The following RPTOR variants were observed in gnomAD, a reference collection of about 807,000 sequenced individuals.
The protein encoded by RPTOR is regulatory-associated protein of mTOR.
Under a neutral mutation model 169.9 loss-of-function variants are expected in RPTOR, and 21 were observed. The ratio of observed to expected loss-of-function variants is 0.12; its 90% confidence interval spans 0.09 to 0.18. The LOEUF (loss-of-function observed/expected upper bound fraction) is 0.18, where lower values mean the gene tolerates loss of function less well. RPTOR is among the 10% of genes least tolerant of loss of function. RPTOR has a pLI of 1.00. For synonymous variants in RPTOR, 732 were observed against 753.2 expected (o/e 0.97, Z 0.46); for missense variants, 1,133 against 1,855.9 (o/e 0.61, Z 7.16).
intron 7 of RPTOR, among the ~76,000 whole-genome samples, chr17:80,806,113 GGTTT>G (rs2067216361): frequency 1.3e-5 from 2 of 152,100 alleles, no homozygotes; most frequent in Non-Finnish European, 2.9e-5. Flanking sequence ...CGCCTCTGGT[GGTTT>G]TTAAAAAGCC....
intron 24 of RPTOR, among the ~76,000 whole-genome samples, chr17:80,928,975 G>A (rs9908768): frequency 0.021 from 3,180 of 152,240 alleles, 118 homozygotes; most frequent in African/African-American, 0.072. Flanking sequence ...TTAGAAAAGG[G>A]TATACCTGCA....
intron 13 of RPTOR, among the ~76,000 whole-genome samples, chr17:80,874,917 A>G (rs909146185): frequency 2.0e-5 from 3 of 152,204 alleles, no homozygotes; most frequent in African/African-American, 4.8e-5. Context: ...CCCAGTGGAC[A>G]TGAAACACGG....
chr17:80,635,182 GCCATTTCAC>G (rs2065496850), intron 2 of RPTOR, among the ~76,000 whole-genome samples: 1 of 152,096 alleles, frequency 6.6e-6, no homozygotes, highest in South Asian at 2.1e-4. Context: ...GTTATCCTTT[GCCATTTCAC>G]CCCAATATCT....
chr17:80,685,994 G>A (rs1002953071), intron 3 of RPTOR, among the ~76,000 whole-genome samples: 2 of 151,984 alleles, frequency 1.3e-5, no homozygotes, highest in African/African-American at 4.8e-5. Flanking sequence ...CATAAGCATG[G>A]TTAGAGGCTT....
intron 24 of RPTOR, among the ~76,000 whole-genome samples, chr17:80,930,021 C>G (rs2068856235): frequency 1.3e-5 from 2 of 151,442 alleles, no homozygotes; most frequent in African/African-American, 4.9e-5. Context: ...TCAGCTCATC[C>G]CTGGCTCATC....
In RPTOR at chr17:80,837,108, G is replaced by A. The variant is rs542093468; in HGVS notation, c.1137-814G>A. ...CGTTCACCGTGACGGGAAGGAGGCCGGAGGAGAAAGCCTCATAATGTCCAA... is the reference window on the plus strand; with the variant it reads ...CGTTCACCGTGACGGGAAGGAGGCCAGAGGAGAAAGCCTCATAATGTCCAA... On this transcript the variant is annotated intron_variant, in intron 9 of 33. Transcript: ENST00000306801. Among the ~76,000 whole-genome samples, 68 of 152,226 alleles carry A rather than the reference G, an allele frequency of 4.5e-4. 1 individual carries two copies. The highest frequency in any genetic ancestry group is 1.4e-3 in the African/African-American group (60 of 41,510).
chr17:80,787,111 A>G (rs1366715912), intron 6 of RPTOR, among the ~76,000 whole-genome samples: 1 of 152,160 alleles, frequency 6.6e-6, no homozygotes, highest in African/African-American at 2.4e-5. Context: ...CGGGCTCATC[A>G]TCCCTTCCAT....
At chr17:80,963,209 G>A (rs1354614865) in intron 33 of RPTOR, 152 bp downstream of exon 33, 41 of 757,880 alleles carry the variant, frequency 5.4e-5, no homozygotes, top group Non-Finnish European at 8.4e-5. Context: ...TGGGTCCCAG[G>A]ATCTCTAGGG....
intron 5 of RPTOR, among the ~76,000 whole-genome samples, chr17:80,749,455 C>A (rs528855146): frequency 2.0e-5 from 2 of 98,764 alleles, no homozygotes; most frequent in African/African-American, 4.3e-5. Context: ...GAGGCCGTGG[C>A]GGGAGGACCT....
At chr17:80,637,006 A>G (rs888774352) in intron 2 of RPTOR, among the ~76,000 whole-genome samples, 6 of 152,312 alleles carry the variant, frequency 3.9e-5, no homozygotes, top group African/African-American at 1.4e-4. Flanking sequence ...TCGTTTTACA[A>G]ATTAAACATC....
At chr17:80,886,866 C>T (rs1217735306) in intron 17 of RPTOR, among the ~76,000 whole-genome samples, 2 of 152,186 alleles carry the variant, frequency 1.3e-5, no homozygotes, top group African/African-American at 4.8e-5. Flanking sequence ...CAGCCCCTGC[C>T]CTCCGGGAGC....
chr17:80,768,569 C>T (rs941965081), intron 6 of RPTOR, among the ~76,000 whole-genome samples: 4 of 151,816 alleles, frequency 2.6e-5, no homozygotes, highest in African/African-American at 9.7e-5. Context: ...CCCGGCCTCA[C>T]TCCTGCCTGT....
Position 80,861,285 on chromosome 17 carries a change from ACTG to A in RPTOR, c.1509+3389_1509+3391del, listed in dbSNP as rs1316502828. ...AGAGCTCAGAACCAGGACGTGGAAA[ACTG>A]CTGTGTAAATTATAGAGGAACAGGA... On this transcript the variant is annotated intron_variant, in intron 13 of 33. Transcript: ENST00000306801. This position sits in a 1 kb window ranked among gnomAD's most constrained non-coding sequence, Gnocchi z 4.5. Among the ~76,000 whole-genome samples the A allele has an allele frequency of 6.9e-6, 1 of 144,586 alleles. No individual in the cohort carries two copies. Among genetic ancestry groups the A allele is most frequent in the East Asian group, 2.0e-4 (1 of 5,024 alleles). 94.9% of individuals were successfully genotyped at this position (144,586 alleles called of 152,430 possible). A position where few individuals can be genotyped will look rare whatever the true frequency, so the allele number is the denominator to read the frequency against.
rs757652883 is a variant in RPTOR, at chr17:80,598,877, A to ATTCT, written c.163-26809_163-26806dup. The stretch of plus-strand genomic sequence containing the variant: ...TGCTTATTGACCTTAAACTTTCTTG[A>ATTCT]TTCTTTCTATCTATCTATCTATCTA... On this transcript the variant is annotated intron_variant, in intron 1 of 33. Coordinates refer to ENST00000306801, the MANE Select transcript of RPTOR (RefSeq NM_020761.3). Among the ~76,000 whole-genome samples the ATTCT allele has an allele frequency of 2.8e-3, 362 of 128,236 alleles. 4 individuals are homozygous for ATTCT. The highest frequency in any genetic ancestry group is 4.0e-3 in the Middle Eastern group (1 of 252). 84.1% of individuals were successfully genotyped at this position (128,236 alleles called of 152,430 possible). A position where few individuals can be genotyped will look rare whatever the true frequency, so the allele number is the denominator to read the frequency against.
chr17:80,877,304 TTA>T (rs2068132105), intron 13 of RPTOR, among the ~76,000 whole-genome samples: 1 of 151,954 alleles, frequency 6.6e-6, no homozygotes, highest in Non-Finnish European at 1.5e-5. Flanking sequence ...GCGGTTTGAG[TTA>T]GTGAAAATGT....
chr17:80,786,608 C>T (rs2066994399), intron 6 of RPTOR, among the ~76,000 whole-genome samples: 1 of 152,204 alleles, frequency 6.6e-6, no homozygotes, highest in African/African-American at 2.4e-5. Flanking sequence ...ACGAAAGTGA[C>T]TCCGGAGAAT....
intron 7 of RPTOR, chr17:80,804,899 A>C (rs1019049733): frequency 3.3e-5 from 5 of 152,330 alleles, no homozygotes; most frequent in African/African-American, 9.6e-5. Context: ...GGATGTGTAC[A>C]GCATGGGAGG....
intron 10 of RPTOR, among the ~76,000 whole-genome samples, chr17:80,842,662 A>G (rs1463495398): frequency 1.3e-5 from 2 of 152,224 alleles, no homozygotes; most frequent in Non-Finnish European, 2.9e-5. Context: ...GCATTGTTCT[A>G]TACTTGTACT....
At chr17:80,619,279 G>C (rs1450636912) in intron 1 of RPTOR, among the ~76,000 whole-genome samples, 2 of 152,214 alleles carry the variant, frequency 1.3e-5, no homozygotes, top group African/African-American at 4.8e-5. Context: ...ACAGAAGGCA[G>C]TGATTGGGCT....
Sources: allele counts gnomAD v4.1 joint callset (sites outside exome capture counted in the v4.1 genomes callset), GRCh38; gene constraint gnomAD v4.1.1; non-coding constraint Gnocchi (gnomAD v3.1); transcripts MANE v1.5; gene names NCBI Gene and HGNC (gene_info 2026-07-23, HGNC 2026-07-21).